NAB1: variants seen among roughly 807,000 people sequenced by gnomAD.
NAB1 encodes NGFI-A-binding protein 1.
In NAB1, 25 loss-of-function variants were observed where a neutral mutation model predicts 49.9. The observed-to-expected ratio is 0.50, with a 90% CI of 0.37 to 0.70. The LOEUF is 0.70. NAB1 is among the 30% of genes least tolerant of loss of function. The pLI is 0.00. For synonymous variants in NAB1, 198 were observed against 215.6 expected, an observed-to-expected ratio of 0.92 and a Z score of 0.71; for missense variants, 489 against 575.9, an observed-to-expected ratio of 0.85 and a Z score of 1.54.
chr2:190,652,476 C>A lies in NAB1; in HGVS notation c.-197+2494C>A, dbSNP rs1338120489. Among the ~76,000 whole-genome samples the A allele has an allele frequency of 2.6e-5, 4 of 152,134 alleles. No homozygotes were observed. Among genetic ancestry groups the A allele is most frequent in the African/African-American group, 7.2e-5 (3 of 41,436 alleles). On this transcript the variant is annotated intron_variant, in intron 2 of 9. Coordinates refer to ENST00000337386, the MANE Select transcript of NAB1 (RefSeq NM_005966.4). This position sits in a 1 kb window ranked among gnomAD's most constrained non-coding sequence, Gnocchi z 4.2. ...ATACATAGTTATCATTTAGCAAAATCTGGTTTAGTTTTTTCTAATTTTGGC... is the reference window on the plus strand; with the variant it reads ...ATACATAGTTATCATTTAGCAAAATATGGTTTAGTTTTTTCTAATTTTGGC...
At position 190,684,436 on chromosome 2, in the gene NAB1, TTTG is replaced by T. The variant is rs139097594; in HGVS notation, c.1095+612_1095+614del. On this transcript the variant is annotated intron_variant, in intron 7 of 9. Coordinates refer to ENST00000337386, the MANE Select transcript of NAB1 (RefSeq NM_005966.4). The surrounding 1 kb of genome is among the most constrained non-coding windows in gnomAD (Gnocchi z 4.6). The stretch of plus-strand genomic sequence containing the variant: ...TTGATCAAATTTAGTACTGCTAAGT[TTTG>T]TTTTTTTCATGTTAGGATGAAAAAT... Among the ~76,000 whole-genome samples, 14,154 of 152,160 alleles carry T rather than the reference TTTG, an allele frequency of 0.093. 1,270 individuals carry two copies. The highest frequency in any genetic ancestry group is 0.23 in the African/African-American group (9,384 of 41,442).
Position 190,683,792 on chromosome 2 carries a change from G to T in NAB1, c.1060G>T (p.Ala354Ser). 6.2e-7 allele frequency: 1 copy of T among 1,613,818 alleles called. No individual in the cohort carries two copies. The highest frequency in any genetic ancestry group is 8.5e-7 in the Non-Finnish European group (1 of 1,179,922). The change falls in exon 7 of 10, where the codon GCT becomes TCT. Residue 354 changes from alanine (A) to serine (S), a missense_variant. By Grantham distance (99) the Ala-to-Ser change is moderately conservative (BLOSUM62 1). Coordinates refer to ENST00000337386, the MANE Select transcript of NAB1 (RefSeq NM_005966.4). The part of the protein sequence containing the change: ...SVQTLFQQAR[A>S]KSEELAALSS... ...GCAAACACTCTTCCAGCAGGCTAGA[G>T]CTAAGAGTGAAGAACTTGCAGCTCT...
Position 190,680,488 on chromosome 2 carries a change from C to G in NAB1, c.1006-3250C>G, listed in dbSNP as rs962679096. 2.0e-5 allele frequency among the ~76,000 whole-genome samples: 3 copies of G among 152,210 alleles called. No homozygotes were observed. The highest frequency in any genetic ancestry group is 2.9e-5 in the Non-Finnish European group (2 of 68,034). On this transcript the variant is annotated intron_variant, in intron 6 of 9. Coordinates refer to ENST00000337386, the MANE Select transcript of NAB1 (RefSeq NM_005966.4). This position sits in a 1 kb window ranked among gnomAD's most constrained non-coding sequence, Gnocchi z 5.2. The stretch of plus-strand genomic sequence containing the variant: ...CTGCCACAGCGCCCTCTGCTGTGCT[C>G]TGGGTCTCCGTCCATTTCCCTCCCT...
chr2:190,680,977 A>G lies in NAB1; in HGVS notation c.1006-2761A>G, dbSNP rs768383102. On this transcript the variant is annotated intron_variant, in intron 6 of 9. Transcript: ENST00000337386. This position sits in a 1 kb window ranked among gnomAD's most constrained non-coding sequence, Gnocchi z 5.2. ...TTATCCCCATTTTATAGATGAGAAA[A>G]TAGACACAGAGAGATGAAATAATCT... 1.8e-4 allele frequency among the ~76,000 whole-genome samples: 27 copies of G among 152,258 alleles called. No homozygotes were observed. Among genetic ancestry groups the G allele is most frequent in the Non-Finnish European group, 3.5e-4 (24 of 68,042 alleles).
chr2:190,656,928 CT>C (rs1184675838), intron 3 of NAB1, among the ~76,000 whole-genome samples: 5 of 151,988 alleles, frequency 3.3e-5, no homozygotes, highest in African/African-American at 7.3e-5. Context: ...AGTTACAGTC[CT>C]CTTATTAAAA....
chr2:190,657,042 CT>C lies in NAB1; in HGVS notation c.-20+898del, dbSNP rs904871076. Among the ~76,000 whole-genome samples, 4 of 151,728 alleles carry C rather than the reference CT, an allele frequency of 2.6e-5. No homozygotes were observed. Among genetic ancestry groups the C allele is most frequent in the African/African-American group, 4.8e-5 (2 of 41,316 alleles). On this transcript the variant is annotated intron_variant, in intron 3 of 9. Coordinates refer to ENST00000337386, the MANE Select transcript of NAB1 (RefSeq NM_005966.4). This position sits in a 1 kb window ranked among gnomAD's most constrained non-coding sequence, Gnocchi z 4.4. Reference sequence around the variant, plus strand: ...TATGTATATACACATTACACATGTACTTTTTTTTTCTGTATTGCGTTGAAAG... The same window carrying C: ...TATGTATATACACATTACACATGTACTTTTTTTTCTGTATTGCGTTGAAAG...
Position 190,686,005 on chromosome 2 carries a change from A to G in NAB1, c.1258+367A>G, listed in dbSNP as rs1441553234. Among the ~76,000 whole-genome samples the G allele has an allele frequency of 2.0e-5, 3 of 152,216 alleles. No individual in the cohort carries two copies. Among genetic ancestry groups the G allele is most frequent in the African/African-American group, 7.2e-5 (3 of 41,460 alleles). On this transcript the variant is annotated intron_variant, in intron 8 of 9. Coordinates refer to ENST00000337386, the MANE Select transcript of NAB1 (RefSeq NM_005966.4). The surrounding 1 kb of genome is among the most constrained non-coding windows in gnomAD (Gnocchi z 5.5). ...CATATTTTTTTAGACTTCAAAAACA[A>G]GTTTGTGAAATTTACAGCATTTGGT...
At chr2:190,673,540 A>G (rs528588792) in intron 6 of NAB1, among the ~76,000 whole-genome samples, 1 of 152,320 alleles carries the variant, frequency 6.6e-6, no homozygotes, top group South Asian at 2.1e-4. Flanking sequence ...TGACTAGTCC[A>G]GTCAATTTAT....
intron 6 of NAB1, 194 bp downstream of exon 6, chr2:190,673,346 C>A: frequency 3.3e-6 from 2 of 597,122 alleles, no homozygotes; most frequent in Non-Finnish European, 5.8e-6. Flanking sequence ...ATTAGCAGAC[C>A]AAGGAAAATT....
At position 190,673,058 on chromosome 2, in the gene NAB1, CT is replaced by C. The variant is rs1694895332; in HGVS notation, c.954-40del. ...GATGCCTTTGGAATAAAATCAGTTA[CT>C]TTCTCAAGTTTTTTTTTTTTTTTCT... On this transcript the variant is annotated intron_variant, in intron 5 of 9. Transcript: ENST00000337386. 3.2e-6 allele frequency: 5 copies of C among 1,565,784 alleles called. No individual in the cohort carries two copies. The South Asian group carries it at 4.5e-5, about 14-fold the overall frequency.
chr2:190,671,216 G>C (rs1418072280), intron 5 of NAB1, among the ~76,000 whole-genome samples: 1 of 152,030 alleles, frequency 6.6e-6, no homozygotes, highest in African/African-American at 2.4e-5. Context: ...CACATTCTGA[G>C]CACCCTTTCC....
intron 6 of NAB1, chr2:190,673,355 T>C: frequency 1.7e-6 from 1 of 584,680 alleles, no homozygotes; most frequent in Non-Finnish European, 3.0e-6. Flanking sequence ...CCAAGGAAAA[T>C]TTTTTTAAAC....
In NAB1 at chr2:190,669,578, T is replaced by A. The variant is rs1411316277; in HGVS notation, c.820-748T>A. On this transcript the variant is annotated intron_variant, in intron 4 of 9. Transcript: ENST00000337386. The surrounding 1 kb of genome is among the most constrained non-coding windows in gnomAD (Gnocchi z 4.3). ...GCCTTGGCTAAGTACATCTTTTGCA[T>A]ATTAAAAAAGTCTGATATACCTCTT... Among the ~76,000 whole-genome samples the A allele has an allele frequency of 6.6e-6, 1 of 152,204 alleles. No individual in the cohort carries two copies. The highest frequency in any genetic ancestry group is 1.5e-5 in the Non-Finnish European group (1 of 68,030).
chr2:190,660,778 AT>A (rs1694182970), intron 4 of NAB1, among the ~76,000 whole-genome samples: 1 of 152,030 alleles, frequency 6.6e-6, no homozygotes, highest in African/African-American at 2.4e-5. Context: ...TTAACTTCTT[AT>A]TGTACTTATT....
chr2:190,654,136 G>A lies in NAB1; in HGVS notation c.-196-1841G>A, dbSNP rs1693805482. Reference sequence around the variant, plus strand: ...TTGAAACTTTGCTAGGAATAAATGGGGATAAAAGAGTAATGAAACCTAATT... The same window carrying A: ...TTGAAACTTTGCTAGGAATAAATGGAGATAAAAGAGTAATGAAACCTAATT... On this transcript the variant is annotated intron_variant, in intron 2 of 9. Transcript: ENST00000337386. This position sits in a 1 kb window ranked among gnomAD's most constrained non-coding sequence, Gnocchi z 5.6. 6.6e-6 allele frequency among the ~76,000 whole-genome samples: 1 copy of A among 152,164 alleles called. No homozygotes were observed. The highest frequency in any genetic ancestry group is 2.4e-5 in the African/African-American group (1 of 41,440).
At chr2:190,653,578 T>C (rs1364902853) in intron 2 of NAB1, 1 of 152,224 alleles carries the variant, frequency 6.6e-6, no homozygotes, top group Non-Finnish European at 1.5e-5. Flanking sequence ...TGTGTATTGC[T>C]ATATATGTTT....
rs1431932512 is a variant in NAB1 at position 190,678,073 on chromosome 2, AG to A, written c.1005+4922del. Among the ~76,000 whole-genome samples, 1 of 152,248 alleles carries A rather than the reference AG, an allele frequency of 6.6e-6. No homozygotes were observed. The highest frequency in any genetic ancestry group is 6.5e-5 in the Admixed American group (1 of 15,284). Reference sequence around the variant, plus strand: ...GTAAATTACAAAATATTTAAATATAAGAAATTTTCATTTGATATGCTGATTG... The same window carrying A: ...GTAAATTACAAAATATTTAAATATAAAAATTTTCATTTGATATGCTGATTG... On this transcript the variant is annotated intron_variant, in intron 6 of 9. Coordinates refer to ENST00000337386, the MANE Select transcript of NAB1 (RefSeq NM_005966.4). The surrounding 1 kb of genome is among the most constrained non-coding windows in gnomAD (Gnocchi z 4.9).
At position 190,660,184 on chromosome 2, in the gene NAB1, G is replaced by T. The variant is rs531669161; in HGVS notation, c.819+189G>T. Among the ~76,000 whole-genome samples, 7 of 152,262 alleles carry T rather than the reference G, an allele frequency of 4.6e-5. No homozygotes were observed. The South Asian group carries it at 1.5e-3, about 32-fold the overall frequency. ...TATTTATTGTGTTCAGGGTATATTT[G>T]TATTGAACTTGAACATGTTTGAGCT... On this transcript the variant is annotated intron_variant, in intron 4 of 9. Transcript: ENST00000337386.
Position 190,690,437 on chromosome 2 carries a change from A to G in NAB1, c.*104A>G. ...ACCAGTGTTGCCTCATTCAGCTCAAACAGATTTCATAGCCAAAGCAAAAGG... is the reference window on the plus strand; with the variant it reads ...ACCAGTGTTGCCTCATTCAGCTCAAGCAGATTTCATAGCCAAAGCAAAAGG... On this transcript the variant is annotated 3_prime_UTR_variant, in exon 10 of 10. Coordinates refer to ENST00000337386, the MANE Select transcript of NAB1 (RefSeq NM_005966.4). 1 of 889,368 alleles carries G rather than the reference A, an allele frequency of 1.1e-6. No homozygotes were observed. The highest frequency in any genetic ancestry group is 1.8e-6 in the Non-Finnish European group (1 of 552,396). 55.1% of individuals were successfully genotyped at this position (889,368 alleles called of 1,614,324 possible).
Sources: gnomAD v4.1 joint callset for allele counts (sites outside exome capture counted in the v4.1 genomes callset) on GRCh38, gnomAD v4.1.1 for gene constraint, Gnocchi (gnomAD v3.1) non-coding constraint, MANE v1.5 for transcripts, NCBI Gene and HGNC (gene_info 2026-07-23, HGNC 2026-07-21) for gene names.